Variants in TP53BP2 observed in about 807,000 individuals in gnomAD.
TP53BP2 encodes apoptosis-stimulating of p53 protein 2.
A neutral mutation model predicts 126.2 loss-of-function variants in TP53BP2; 62 were observed. The observed-to-expected ratio is 0.49, with a 90% CI of 0.40 to 0.61. The LOEUF (loss-of-function observed/expected upper bound fraction) is 0.61, where lower values mean the gene tolerates loss of function less well. TP53BP2 is among the 20% of genes least tolerant of loss of function. The pLI is 0.00. For missense variants in TP53BP2, 1,215 were observed against 1,402.8 expected, an observed-to-expected ratio of 0.87 and a Z score of 2.14; for synonymous variants, 485 against 502.9, an observed-to-expected ratio of 0.96 and a Z score of 0.48.
intron 1 of TP53BP2, among the ~76,000 whole-genome samples, chr1:223,829,836 C>G (rs1453662329): frequency 6.6e-6 from 1 of 151,648 alleles, no homozygotes; most frequent in African/African-American, 2.4e-5. Flanking sequence ...TACTTGGTAA[C>G]AGAGTACAGT....
Position 223,806,917 on chromosome 1 carries a change from C to G in TP53BP2, c.403G>C (p.Ala135Pro), listed in dbSNP as rs372434951. 26 of 1,614,002 alleles carry G rather than the reference C, an allele frequency of 1.6e-5. No homozygotes were observed. The African/African-American group carries it at 3.3e-4, about 21-fold the overall frequency. Residue 135 changes from alanine (A) to proline (P), a missense_variant, in exon 5 of 18, where the codon GCT becomes CCT. Physicochemically the swap from Ala to Pro is conservative, Grantham distance 27. Around this residue, in one of 4 missense-constraint regions of TP53BP2, gnomAD observed 814 missense variants for 853.0 expected, o/e 0.95. Coordinates refer to ENST00000343537, the MANE Select transcript of TP53BP2 (RefSeq NM_001031685.3). ...CGAGATGCCATTTCCTGAAGTTCAG[C>G]AAGAGTCAGATCCATCCTAGGACTA... is the stretch of plus-strand genomic sequence containing the variant. ...VNSPRMDLTL[A>P]ELQEMASRQQ...
chr1:223,823,874 T>C (rs574963493), intron 1 of TP53BP2, among the ~76,000 whole-genome samples: 10 of 152,346 alleles, frequency 6.6e-5, no homozygotes, highest in Non-Finnish European at 1.5e-4. Context: ...TCATTGTAAA[T>C]ATGAAGCTTA....
At chr1:223,837,163 G>GGGGGA (rs1553264323) in intron 1 of TP53BP2, among the ~76,000 whole-genome samples, 6,697 of 124,514 alleles carry the variant, frequency 0.054, 209 homozygotes, top group Non-Finnish European at 0.066. Flanking sequence ...AAAGGGGGGG[G>GGGGGA]GCGGGGGGTC....
rs751050960 is a variant in TP53BP2, at chr1:223,845,632, C to T, written c.27+22G>A. On this transcript the variant is annotated intron_variant, in intron 1 of 17. Coordinates refer to ENST00000343537, the MANE Select transcript of TP53BP2 (RefSeq NM_001031685.3). ...ACCCCGCACACTTCCGGGCCCGACG[C>T]CCTGGCCGCTCGCCCACTTACCGGC... 165 of 1,549,152 alleles carry T rather than the reference C, an allele frequency of 1.1e-4. 1 individual carries two copies. Among genetic ancestry groups the T allele is most frequent in the Non-Finnish European group, 1.4e-4 (159 of 1,156,824 alleles).
chr1:223,788,644 T>C (rs1321246058), intron 16 of TP53BP2, among the ~76,000 whole-genome samples: 1 of 152,234 alleles, frequency 6.6e-6, no homozygotes, highest in Non-Finnish European at 1.5e-5. Flanking sequence ...AAACTGATCC[T>C]TCACTTCTCT....
chr1:223,831,504 T>A (rs1446791075), intron 1 of TP53BP2, among the ~76,000 whole-genome samples: 2 of 127,714 alleles, frequency 1.6e-5, no homozygotes, highest in East Asian at 2.3e-4. Flanking sequence ...TATATATATA[T>A]ATATATATAT....
chr1:223,841,746 T>TC (rs1664108958), intron 1 of TP53BP2, among the ~76,000 whole-genome samples: 1 of 152,178 alleles, frequency 6.6e-6, no homozygotes. Flanking sequence ...CCCATTTTTT[T>TC]CCTAGACCCT....
At chr1:223,834,142 G>A (rs1982613) in intron 1 of TP53BP2, among the ~76,000 whole-genome samples, 21,014 of 152,206 alleles carry the variant, frequency 0.14, 2,037 homozygotes, top group African/African-American at 0.26. Flanking sequence ...AGAACAGGGG[G>A]TAGCTCAGGC....
At chr1:223,837,909 C>T (rs538919150) in intron 1 of TP53BP2, among the ~76,000 whole-genome samples, 23 of 152,178 alleles carry the variant, frequency 1.5e-4, no homozygotes, top group African/African-American at 5.1e-4. Flanking sequence ...CCTCTGCCCA[C>T]GAAGCCCTGC....
At chr1:223,821,106 C>T (rs1663288939) in intron 2 of TP53BP2, 114 bp downstream of exon 2, 10 of 1,342,536 alleles carry the variant, frequency 7.4e-6, no homozygotes, top group Non-Finnish European at 1.0e-5. Context: ...GCCGGACGTG[C>T]TATTCTCCAG....
intron 1 of TP53BP2, among the ~76,000 whole-genome samples, chr1:223,836,908 C>T (rs1663940443): frequency 6.6e-6 from 1 of 151,996 alleles, no homozygotes; most frequent in South Asian, 2.1e-4. Context: ...TCCTATCTAC[C>T]TTTAAAATAA....
chr1:223,780,652 G>A lies in TP53BP2; in HGVS notation c.*201C>T, dbSNP rs374944439. ...CCCCAACACAGTATGGCCTGCTGAC[G>A]TAGATGCTTTATTTCATCACGCTAA... On this transcript the variant is annotated 3_prime_UTR_variant, in exon 18 of 18. Transcript: ENST00000343537. The A allele has an allele frequency of 9.8e-5, 58 of 592,860 alleles. 1 individual carries two copies. Among genetic ancestry groups the A allele is most frequent in the East Asian group, 3.1e-4 (11 of 35,028 alleles). The allele number at this position is 592,860 out of a possible 1,614,324, so 36.7% of individuals were successfully genotyped here.
chr1:223,838,062 T>C (rs2102890384), intron 1 of TP53BP2, among the ~76,000 whole-genome samples: 1 of 152,240 alleles, frequency 6.6e-6, no homozygotes, highest in East Asian at 1.9e-4. Context: ...CATTCAGGTC[T>C]CAGCTGAAAT....
At chr1:223,800,873 A>G in intron 9 of TP53BP2, 63 bp from the exon 10 acceptor site, 1 of 1,176,706 alleles carries the variant, frequency 8.5e-7, no homozygotes. Flanking sequence ...AATGATTTTT[A>G]CTGCTAAGAC....
At chr1:223,831,483 ATATATAT>A (rs1558109480) in intron 1 of TP53BP2, among the ~76,000 whole-genome samples, 4,282 of 31,300 alleles carry the variant, frequency 0.14, 222 homozygotes, top group Admixed American at 0.18. Context: ...AAAAAAAAAT[ATATATAT>A]ATATATATAT....
In TP53BP2 at chr1:223,842,679, A is replaced by G. The variant is rs529059215; in HGVS notation, c.27+2975T>C. 2.2e-3 allele frequency among the ~76,000 whole-genome samples: 342 copies of G among 152,388 alleles called. 4 individuals carry two copies. Among genetic ancestry groups the G allele is most frequent in the African/African-American group, 8.0e-3 (331 of 41,596 alleles). ...TTAGAGTTAGCCAAGCTCTTTCTTA[A>G]GAACACATTTTTGTTTTGAGCATAA... On this transcript the variant is annotated intron_variant, in intron 1 of 17. Transcript: ENST00000343537.
intron 1 of TP53BP2, among the ~76,000 whole-genome samples, chr1:223,832,632 A>G (rs375214115): frequency 1.3e-5 from 2 of 152,214 alleles, no homozygotes; most frequent in African/African-American, 4.8e-5. Context: ...ATACACAGCC[A>G]TTTAGCCCAA....
intron 1 of TP53BP2, among the ~76,000 whole-genome samples, chr1:223,823,446 A>G (rs1373625700): frequency 2.6e-5 from 4 of 152,274 alleles, no homozygotes; most frequent in African/African-American, 9.6e-5. Context: ...ATGAACAGGT[A>G]TAACAGAGGG....
chr1:223,789,186 G>C lies in TP53BP2; in HGVS notation c.2997-12C>G, dbSNP rs772411861. Reference sequence around the variant, plus strand: ...AATGTAATGGAGTCCTGTGAAGCAAGATACGAGGGCTAGAACTGTTTTCCT... The same window carrying C: ...AATGTAATGGAGTCCTGTGAAGCAACATACGAGGGCTAGAACTGTTTTCCT... On this transcript the variant is annotated splice_polypyrimidine_tract_variant and intron_variant, in intron 15 of 17. Transcript: ENST00000343537. 3.1e-6 allele frequency: 5 copies of C among 1,613,842 alleles called. No individual in the cohort carries two copies. The highest frequency in any genetic ancestry group is 2.7e-5 in the African/African-American group (2 of 74,938).
Sources: gnomAD v4.1 joint callset for allele counts (sites outside exome capture counted in the v4.1 genomes callset) on GRCh38, gnomAD v4.1.1 for gene constraint, gnomAD v4.1.1 regional missense constraint, MANE v1.5 for transcripts, NCBI Gene and HGNC (gene_info 2026-07-23, HGNC 2026-07-21) for gene names.